The following APLP2 variants were observed in gnomAD, a reference collection of about 807,000 sequenced individuals.
The protein encoded by APLP2 is amyloid beta precursor like protein 2.
In APLP2, 53 loss-of-function variants were observed where a neutral mutation model predicts 89.9. The ratio of observed to expected loss-of-function variants is 0.59; its 90% CI spans 0.47 to 0.74. The LOEUF (loss-of-function observed/expected upper bound fraction) is 0.74. Ranked by LOEUF, APLP2 falls within the 30% of genes least tolerant of loss-of-function variation. The pLI is 0.00. For missense variants in APLP2, 973 were observed against 975.9 expected (o/e 1.00, Z 0.04); for synonymous variants, 372 against 348.6 (o/e 1.07, Z -0.75).
intron 14 of APLP2, 82 bp downstream of exon 14, chr11:130,140,565 G>A (rs983190705): frequency 8.5e-7 from 1 of 1,170,598 alleles, no homozygotes; most frequent in Non-Finnish European, 1.2e-6. Context: ...GATGCTTCCA[G>A]GTGCACGTCT....
rs1273194927 is a variant in APLP2 at position 130,126,808 on chromosome 11, G to A, written c.1199G>A (p.Arg400Gln). The change falls in exon 8 of 17, where the codon CGG becomes CAG. Residue 400 changes from arginine to glutamine, a missense_variant. Coordinates refer to ENST00000338167, the MANE Select transcript of APLP2 (RefSeq NM_001142276.2). ...AAGGCTAAGGAGCAGCTGGAGATTC[G>A]GCACCGCAACCGAATGGACAGGGTA... ...FQKAKEQLEI[R>Q]HRNRMDRVKK... 18 of 1,614,026 alleles carry A rather than the reference G, an allele frequency of 1.1e-5. No homozygotes were observed. Among genetic ancestry groups the A allele is most frequent in the South Asian group, 2.2e-5 (2 of 91,084 alleles).
At chr11:130,128,067 C>G (rs1950570516) in intron 9 of APLP2, among the ~76,000 whole-genome samples, 1 of 152,256 alleles carries the variant, frequency 6.6e-6, no homozygotes. Flanking sequence ...CAGAAGGTAA[C>G]CTTAGCTCAG....
In APLP2 at chr11:130,142,971, A is replaced by G. The variant is rs563824106; in HGVS notation, c.2155-376A>G. On this transcript the variant is annotated intron_variant, in intron 16 of 16. Coordinates refer to ENST00000338167, the MANE Select transcript of APLP2 (RefSeq NM_001142276.2). ...CCTAGCTGTAGAATTTCAGAACTGA[A>G]AAAGACCAGAGATCCCCTGGTCCCA... Among the ~76,000 whole-genome samples the G allele has an allele frequency of 1.6e-3, 240 of 152,256 alleles. 2 individuals carry two copies. The highest frequency in any genetic ancestry group is 5.5e-3 in the African/African-American group (228 of 41,558).
At chr11:130,080,988 C>T (rs1432467801) in intron 1 of APLP2, among the ~76,000 whole-genome samples, 1 of 151,800 alleles carries the variant, frequency 6.6e-6, no homozygotes, top group African/African-American at 2.4e-5. Flanking sequence ...CACGTCCGGT[C>T]GTTGGATTTA....
At chr11:130,077,689 T>C (rs971230401) in intron 1 of APLP2, among the ~76,000 whole-genome samples, 1 of 152,194 alleles carries the variant, frequency 6.6e-6, no homozygotes, top group Non-Finnish European at 1.5e-5. Flanking sequence ...TTTCCAGAAG[T>C]AACTCTTGAG....
chr11:130,131,287 C>T (rs1300088446), intron 11 of APLP2, among the ~76,000 whole-genome samples: 6 of 152,164 alleles, frequency 3.9e-5, no homozygotes, highest in South Asian at 2.1e-4. Context: ...TCAGTAGAGA[C>T]GGGGTTTCAC....
chr11:130,110,458 C>CT, intron 2 of APLP2, 80 bp from the exon 3 acceptor site: 1 of 1,544,948 alleles, frequency 6.5e-7, no homozygotes. Flanking sequence ...GCTGAATAAA[C>CT]TTAGACACTC....
At position 130,069,914 on chromosome 11, in the gene APLP2, G is replaced by C; in HGVS notation, c.-64G>C. The C allele has an allele frequency of 7.9e-7, 1 of 1,267,834 alleles. No individual in the cohort carries two copies. Among genetic ancestry groups the C allele is most frequent in the Admixed American group, 2.3e-5 (1 of 44,162 alleles). The allele number at this position is 1,267,834 out of a possible 1,614,324, so 78.5% of individuals were successfully genotyped here. On this transcript the variant is annotated 5_prime_UTR_variant, in exon 1 of 17. Coordinates refer to ENST00000338167, the MANE Select transcript of APLP2 (RefSeq NM_001142276.2). ...GCTTTAGATGCTTCTGGGTCGCGGT[G>C]TGCTAAGCGAGGAGTCCGAGTGTGT...
intron 1 of APLP2, among the ~76,000 whole-genome samples, chr11:130,073,944 C>A (rs1419777187): frequency 6.6e-6 from 1 of 152,190 alleles, no homozygotes; most frequent in Non-Finnish European, 1.5e-5. Context: ...TTCTTCTAGT[C>A]ACATTTGCTT....
intron 1 of APLP2, among the ~76,000 whole-genome samples, chr11:130,083,619 G>A (rs1343717218): frequency 6.6e-6 from 1 of 152,080 alleles, no homozygotes; most frequent in African/African-American, 2.4e-5. Flanking sequence ...TTAGCATAAT[G>A]TCCTCCAGGT....
In APLP2 at chr11:130,143,711, C is replaced by A. The variant is rs915842800; in HGVS notation, c.*263C>A. 2.8e-6 allele frequency: 1 copy of A among 357,986 alleles called. No homozygotes were observed. The highest frequency in any genetic ancestry group is 2.1e-5 in the African/African-American group (1 of 48,182). The allele number at this position is 357,986 out of a possible 1,614,324, so 22.2% of individuals were successfully genotyped here. A position where few individuals can be genotyped will look rare whatever the true frequency, so the allele number is the denominator to read the frequency against. On this transcript the variant is annotated 3_prime_UTR_variant, in exon 17 of 17. Transcript: ENST00000338167. ...TATTGCAGATATTTGATGTAGTTTT[C>A]TTTTTTAAATTAATCAGAAACCCCA...
intron 1 of APLP2, among the ~76,000 whole-genome samples, chr11:130,080,524 G>A (rs751003088): frequency 1.3e-5 from 2 of 150,774 alleles, no homozygotes; most frequent in Non-Finnish European, 3.0e-5. Flanking sequence ...ATTTATACAG[G>A]TGCTTACAGA....
In APLP2 at chr11:130,119,695, C is replaced by A. The variant is rs1156233719; in HGVS notation, c.404-1011C>A. ...CTTTACCTAGATTCTCCAGTTTTAC[C>A]TGATGTTTTTCTCTCTCTGCATCTT... On this transcript the variant is annotated intron_variant, in intron 3 of 16. Coordinates refer to ENST00000338167, the MANE Select transcript of APLP2 (RefSeq NM_001142276.2). Among the ~76,000 whole-genome samples, 3 of 152,192 alleles carry A rather than the reference C, an allele frequency of 2.0e-5. No individual in the cohort carries two copies. In the East Asian group the frequency reaches 5.8e-4, roughly 29 times the overall value.
rs369468488 is a variant in APLP2, at chr11:130,132,972, TA to T, written c.1585-656del. On this transcript the variant is annotated intron_variant, in intron 11 of 16. Transcript: ENST00000338167. ...ACTGAACATTCGGCATTGTACAAAT[TA>T]GAGTTCTTTTTTTTTTTTTTGGCTC... 3.5e-3 allele frequency among the ~76,000 whole-genome samples: 514 copies of T among 145,004 alleles called. 1 individual carries two copies. The highest frequency in any genetic ancestry group is 0.014 in the African/African-American group (491 of 35,716).
intron 3 of APLP2, among the ~76,000 whole-genome samples, chr11:130,111,857 G>A (rs1277403419): frequency 6.6e-6 from 1 of 152,168 alleles, no homozygotes; most frequent in East Asian, 1.9e-4. Flanking sequence ...AGTGAAATGA[G>A]ATTATCCTGG....
At chr11:130,131,020 G>A (rs1283541870) in intron 11 of APLP2, among the ~76,000 whole-genome samples, 3 of 151,890 alleles carry the variant, frequency 2.0e-5, no homozygotes, top group Non-Finnish European at 2.9e-5. Flanking sequence ...CAGTGCTGCC[G>A]GGTTGACTCC....
At chr11:130,071,680 C>T (rs1034319419) in intron 1 of APLP2, among the ~76,000 whole-genome samples, 1 of 151,986 alleles carries the variant, frequency 6.6e-6, no homozygotes, top group South Asian at 2.1e-4. Flanking sequence ...ACTTGTGTAG[C>T]GGGAAAAAAT....
At chr11:130,129,343 G>A in intron 10 of APLP2, 137 bp downstream of exon 10, 2 of 963,028 alleles carry the variant, frequency 2.1e-6, no homozygotes, top group Non-Finnish European at 3.0e-6. Context: ...GATGAGGGAG[G>A]AAAAGGTATT....
intron 1 of APLP2, chr11:130,108,725 T>G (rs1372176723): frequency 1.3e-5 from 2 of 152,358 alleles, no homozygotes; most frequent in Non-Finnish European, 2.9e-5. Flanking sequence ...CAATGGATTA[T>G]AAATCATGCT....
Sources: allele counts gnomAD v4.1 joint callset (sites outside exome capture counted in the v4.1 genomes callset), GRCh38; gene constraint gnomAD v4.1.1; transcripts MANE v1.5; gene names NCBI Gene and HGNC (gene_info 2026-07-23, HGNC 2026-07-21).